ANKS1B: variants seen among roughly 807,000 people sequenced by gnomAD.
ANKS1B encodes ankyrin repeat and sterile alpha motif domain containing 1B.
In ANKS1B, 36 loss-of-function variants were observed where a neutral mutation model predicts 148.3. That is an observed-to-expected ratio of 0.24 (90% CI 0.19 to 0.32). ANKS1B has a LOEUF of 0.32. Among genes scored for constraint, ANKS1B ranks in the 10% least tolerant of loss-of-function variants. The pLI, the probability that ANKS1B is intolerant of heterozygous loss-of-function variation, is 1.00. For missense variants in ANKS1B, 1,157 were observed against 1,542.6 expected (o/e 0.75, Z 4.19); for synonymous variants, 542 against 560.8 (o/e 0.97, Z 0.47).
intron 9 of ANKS1B, chr12:99,649,717 G>A (rs1407299532): frequency 3.9e-6 from 1 of 253,402 alleles, no homozygotes; most frequent in East Asian, 9.9e-5. Context: ...AAGCATATCA[G>A]TAAGTGCTAC....
intron 16 of ANKS1B, among the ~76,000 whole-genome samples, chr12:99,066,765 C>T (rs556887528): frequency 9.9e-5 from 15 of 152,180 alleles, no homozygotes; most frequent in South Asian, 2.1e-4. Context: ...GGTATCTTGA[C>T]GGTAGACCAG....
intron 12 of ANKS1B, among the ~76,000 whole-genome samples, chr12:99,382,075 A>G (rs1489634524): frequency 6.6e-6 from 1 of 152,196 alleles, no homozygotes; most frequent in Non-Finnish European, 1.5e-5. Flanking sequence ...TGAAATGCAA[A>G]ACATCTGACT....
intron 8 of ANKS1B, among the ~76,000 whole-genome samples, chr12:99,740,830 G>A (rs540035704): frequency 1.0e-3 from 156 of 152,246 alleles, no homozygotes; most frequent in Admixed American, 2.8e-3. Flanking sequence ...AAGAGAAGCC[G>A]TGAGGGACTA....
rs553589795 is a variant in ANKS1B, at chr12:99,284,127, T to C, written c.1757-37263A>G. On this transcript the variant is annotated intron_variant, in intron 12 of 26. Transcript: ENST00000683438. The stretch of plus-strand genomic sequence containing the variant: ...CAGAGTAACACCGAAACTTACCTAG[T>C]AAAGTAGTAAACAATCTGTAGGGAA... 6.6e-5 allele frequency among the ~76,000 whole-genome samples: 10 copies of C among 152,292 alleles called. No homozygotes were observed. The South Asian group carries it at 2.1e-3, about 32-fold the overall frequency.
At chr12:99,818,182 T>A (rs2082105154) in intron 2 of ANKS1B, among the ~76,000 whole-genome samples, 1 of 151,796 alleles carries the variant, frequency 6.6e-6, no homozygotes, top group African/African-American at 2.4e-5. Context: ...CAAATGGGAT[T>A]ACATCAAGCT....
intron 8 of ANKS1B, among the ~76,000 whole-genome samples, chr12:99,662,349 T>C (rs1367382416): frequency 1.3e-5 from 2 of 152,226 alleles, no homozygotes; most frequent in African/African-American, 4.8e-5. Context: ...TTATAGTTAC[T>C]GTGTGACTTT....
chr12:99,681,530 C>T (rs897733239), intron 8 of ANKS1B, among the ~76,000 whole-genome samples: 5 of 152,086 alleles, frequency 3.3e-5, no homozygotes, highest in Non-Finnish European at 7.3e-5. Context: ...GCAGACACTC[C>T]CCAGTACCAG....
intron 1 of ANKS1B, among the ~76,000 whole-genome samples, chr12:99,913,359 T>C (rs2094066269): frequency 6.6e-6 from 1 of 152,194 alleles, no homozygotes; most frequent in Admixed American, 6.5e-5. Flanking sequence ...AAATTTTGTA[T>C]TGAAAATTTA....
chr12:99,502,238 T>C (rs567077747), intron 10 of ANKS1B, among the ~76,000 whole-genome samples: 2 of 152,060 alleles, frequency 1.3e-5, no homozygotes, highest in African/African-American at 2.4e-5. Context: ...TAATGAAGCT[T>C]CCCCCCCTGA....
intron 17 of ANKS1B, chr12:98,894,945 C>T (rs1001701377): frequency 1.1e-6 from 1 of 876,674 alleles, no homozygotes; most frequent in African/African-American, 1.8e-5. Flanking sequence ...CGCCGCGCGC[C>T]CTCGCACCCG....
intron 11 of ANKS1B, among the ~76,000 whole-genome samples, chr12:99,435,407 T>A (rs1476271363): frequency 6.6e-6 from 1 of 152,070 alleles, no homozygotes; most frequent in Non-Finnish European, 1.5e-5. Context: ...TTTAAAAGGT[T>A]CCCAAATACA....
At chr12:99,617,836 A>G (rs145140267) in intron 9 of ANKS1B, among the ~76,000 whole-genome samples, 2 of 152,142 alleles carry the variant, frequency 1.3e-5, no homozygotes, top group African/African-American at 4.8e-5. Flanking sequence ...AAGCAAAACA[A>G]ATATACATAA....
chr12:99,730,222 TG>T (rs1445481904), intron 8 of ANKS1B, among the ~76,000 whole-genome samples: 1 of 152,244 alleles, frequency 6.6e-6, no homozygotes, highest in East Asian at 1.9e-4. Flanking sequence ...GTTTGAGATT[TG>T]CTCTGTTGAG....
intron 17 of ANKS1B, chr12:98,895,416 G>T (rs1274538710): frequency 3.2e-5 from 18 of 568,292 alleles, no homozygotes; most frequent in Non-Finnish European, 3.8e-5. Context: ...GGCAGCAGCC[G>T]CCACTGCCGC....
intron 2 of ANKS1B, among the ~76,000 whole-genome samples, chr12:99,821,129 T>C (rs568221448): frequency 6.6e-6 from 1 of 152,148 alleles, no homozygotes; most frequent in African/African-American, 2.4e-5. Context: ...TATCATTCAA[T>C]GTTATCATTG....
chr12:99,246,264 A>G lies in ANKS1B; in HGVS notation c.2346+11T>C. 1.3e-6 allele frequency: 2 copies of G among 1,542,210 alleles called. No homozygotes were observed. Among genetic ancestry groups the G allele is most frequent in the Non-Finnish European group, 1.7e-6 (2 of 1,144,694 alleles). ...CCTTATAGGATGAACAGCAAGAAGA[A>G]CAAAGCTTACTTCTTCCCATTCCGA... On this transcript the variant is annotated intron_variant, in intron 13 of 26. Coordinates refer to ENST00000683438, the MANE Select transcript of ANKS1B (RefSeq NM_001352186.2).
At chr12:99,754,270 T>C (rs1237537689) in intron 8 of ANKS1B, among the ~76,000 whole-genome samples, 1 of 152,064 alleles carries the variant, frequency 6.6e-6, no homozygotes, top group Non-Finnish European at 1.5e-5. Context: ...AAAGAGGGCA[T>C]TACATAATCA....
intron 12 of ANKS1B, among the ~76,000 whole-genome samples, chr12:99,297,681 CGT>C (rs1433788171): frequency 6.6e-6 from 1 of 152,088 alleles, no homozygotes; most frequent in African/African-American, 2.4e-5. Flanking sequence ...GTGGTCCTTA[CGT>C]GGCCTTCATT....
At chr12:99,684,559 C>A (rs1216234630) in intron 8 of ANKS1B, among the ~76,000 whole-genome samples, 1 of 151,254 alleles carries the variant, frequency 6.6e-6, no homozygotes, top group African/African-American at 2.4e-5. Context: ...TACAAATTCA[C>A]CAAACTAGAA....
Sources: gnomAD v4.1 joint callset for allele counts (sites outside exome capture counted in the v4.1 genomes callset) on GRCh38, gnomAD v4.1.1 for gene constraint, MANE v1.5 for transcripts, NCBI Gene and HGNC (gene_info 2026-07-23, HGNC 2026-07-21) for gene names.